The following SLC12A5 variants were observed in gnomAD, a reference collection of about 807,000 sequenced individuals.
The protein encoded by SLC12A5 is solute carrier family 12 member 5.
A neutral mutation model predicts 124.0 loss-of-function variants in SLC12A5; 18 were observed. The observed-to-expected ratio is 0.15, with a 90% CI of 0.10 to 0.22. The LOEUF is 0.22. Among genes scored for constraint, SLC12A5 ranks in the 10% least tolerant of loss-of-function variants. The pLI, the probability that SLC12A5 is intolerant of heterozygous loss-of-function variation, is 1.00. For synonymous variants in SLC12A5, 589 were observed against 568.0 expected, an observed-to-expected ratio of 1.04 and a Z score of -0.53; for missense variants, 867 against 1,478.7, an observed-to-expected ratio of 0.59 and a Z score of 6.78.
chr20:46,057,428 C>A lies in SLC12A5; in HGVS notation c.3260-86C>A. On this transcript the variant is annotated intron_variant, in intron 25 of 25. Transcript: ENST00000243964. This position sits in a 1 kb window ranked among gnomAD's most constrained non-coding sequence, Gnocchi z 7.1. Reference sequence around the variant, plus strand: ...TCAGCACCTCGGACAGGGACACGGGCGCGAGAGGTCCCCTGGCAGCCGAGC... The same window carrying A: ...TCAGCACCTCGGACAGGGACACGGGAGCGAGAGGTCCCCTGGCAGCCGAGC... The A allele has an allele frequency of 1.9e-6, 3 of 1,597,988 alleles. No homozygotes were observed. Among genetic ancestry groups the A allele is most frequent in the Non-Finnish European group, 2.6e-6 (3 of 1,165,516 alleles).
chr20:46,056,999 C>A lies in SLC12A5; in HGVS notation c.3125+88C>A. The A allele has an allele frequency of 6.3e-7, 1 of 1,598,476 alleles. No individual in the cohort carries two copies. Among genetic ancestry groups the A allele is most frequent in the Non-Finnish European group, 8.6e-7 (1 of 1,166,402 alleles). ...CTCTGTTGTGAACCCCTAATTGGTG[C>A]CACGACCTCTGGGATCTCTGAATAG... On this transcript the variant is annotated intron_variant, in intron 24 of 25. Coordinates refer to ENST00000243964, the MANE Select transcript of SLC12A5 (RefSeq NM_020708.5). The surrounding 1 kb of genome is among the most constrained non-coding windows in gnomAD (Gnocchi z 4.3).
At position 46,057,693 on chromosome 20, in the gene SLC12A5, A is replaced by C. The variant is rs2084709965; in HGVS notation, c.*88A>C. ...GCCCCCCGCCGCTGTCACCGTTTACATACAGACCCTGTGCCCGTGTCCTGG... is the reference window on the plus strand; with the variant it reads ...GCCCCCCGCCGCTGTCACCGTTTACCTACAGACCCTGTGCCCGTGTCCTGG... On this transcript the variant is annotated 3_prime_UTR_variant, in exon 26 of 26. Transcript: ENST00000243964. This position sits in a 1 kb window ranked among gnomAD's most constrained non-coding sequence, Gnocchi z 7.1. The C allele has an allele frequency of 4.0e-6, 4 of 1,008,736 alleles. No individual in the cohort carries two copies. Among genetic ancestry groups the C allele is most frequent in the Non-Finnish European group, 5.8e-6 (4 of 689,616 alleles). 62.5% of individuals were successfully genotyped at this position (1,008,736 alleles called of 1,614,324 possible).
At chr20:46,031,544 G>T (rs1387293225) in intron 1 of SLC12A5, among the ~76,000 whole-genome samples, 1 of 152,196 alleles carries the variant, frequency 6.6e-6, no homozygotes, top group Non-Finnish European at 1.5e-5. Context: ...GGGCAGGTGG[G>T]GATGACCCGA....
At chr20:46,021,690 C>T (rs1455270812), upstream of SLC12A5, 4 of 1,502,726 alleles carry the variant, frequency 2.7e-6, no homozygotes, top group African/African-American at 4.3e-5. Context: ...TCCGCTCTTT[C>T]TCCCTCCTAG....
chr20:46,039,063 G>A (rs1045770748), intron 6 of SLC12A5, among the ~76,000 whole-genome samples: 1 of 152,196 alleles, frequency 6.6e-6, no homozygotes, highest in African/African-American at 2.4e-5. Context: ...GTCACCCAAA[G>A]AAAATAACCA....
chr20:46,041,176 A>AAAG, intron 7 of SLC12A5, 153 bp from the exon 8 acceptor site: 1 of 655,190 alleles, frequency 1.5e-6, no homozygotes, highest in Non-Finnish European at 2.6e-6. Flanking sequence ...AAAAAAAAAA[A>AAAG]AGCCAATGGC....
At chr20:46,052,911 C>A in intron 18 of SLC12A5, 46 bp from the exon 19 acceptor site, 1 of 1,549,604 alleles carries the variant, frequency 6.5e-7, no homozygotes, top group East Asian at 2.3e-5. Context: ...TTGGGAGAAC[C>A]AGAGTCACTG....
At position 46,053,570 on chromosome 20, in the gene SLC12A5, G is replaced by T; in HGVS notation, c.2548-8G>T. Reference sequence around the variant, plus strand: ...TGGACCTTTCTGAATCCCCTTCATCGCCTGCAGGTCTGGCGGAAGTGCAAG... The same window carrying T: ...TGGACCTTTCTGAATCCCCTTCATCTCCTGCAGGTCTGGCGGAAGTGCAAG... On this transcript the variant is annotated splice_region_variant and splice_polypyrimidine_tract_variant and intron_variant, in intron 19 of 25. Transcript: ENST00000243964. The surrounding 1 kb of genome is among the most constrained non-coding windows in gnomAD (Gnocchi z 4.7). The T allele has an allele frequency of 1.2e-6, 2 of 1,613,320 alleles. No homozygotes were observed. Among genetic ancestry groups the T allele is most frequent in the Middle Eastern group, 1.7e-4 (1 of 6,054 alleles).
chr20:46,047,841 G>A, intron 15 of SLC12A5, 140 bp from the exon 16 acceptor site: 1 of 878,258 alleles, frequency 1.1e-6, no homozygotes, highest in South Asian at 1.8e-5. Context: ...GCTTGGTTGA[G>A]TCTGTTGGCA....
intron 1 of SLC12A5, 150 bp downstream of exon 1, chr20:46,029,546 C>A (rs2084427056): frequency 1.2e-6 from 1 of 857,710 alleles, no homozygotes; most frequent in Non-Finnish European, 1.8e-6. Context: ...GAGCTCAGCT[C>A]CATTGGAATG....
rs756040501 is a variant in SLC12A5 at position 46,049,638 on chromosome 20, C to T, written c.2029C>T (p.Leu677=). 1.9e-6 allele frequency: 3 copies of T among 1,604,712 alleles called. No individual in the cohort carries two copies. In the South Asian group the frequency reaches 3.4e-5, roughly 18 times the overall value. ...ACTCTTCAGGCCACAGCTGCTGGTG[C>T]TGGTGCGTGTGGACCAAGACCAGAA... ...TKNWRPQLLV[L]VRVDQDQNVV... Residue 677 remains leucine (L), a synonymous_variant, in exon 17 of 26, where the codon CTG becomes TTG. Coordinates refer to ENST00000243964, the MANE Select transcript of SLC12A5 (RefSeq NM_020708.5).
intron 8 of SLC12A5, 128 bp downstream of exon 8, chr20:46,041,668 A>C: frequency 1.1e-6 from 1 of 919,338 alleles, no homozygotes; most frequent in Non-Finnish European, 1.6e-6. Context: ...ACCTACTCTG[A>C]GTTACATTCT....
intron 1 of SLC12A5, 84 bp downstream of exon 1, chr20:46,029,480 C>T (rs2084426321): frequency 2.1e-6 from 3 of 1,422,976 alleles, no homozygotes; most frequent in Non-Finnish European, 2.9e-6. Flanking sequence ...CGGGGGCCAC[C>T]TCCTTCAGAG....
At position 46,057,302 on chromosome 20, in the gene SLC12A5, C is replaced by T; in HGVS notation, c.3258C>T (p.Asn1086=). ...GPPRNRNGDE[N]YMEFLEVLTE... is the part of the protein sequence containing the mutation. ...CCCGCAACCGCAATGGTGATGAAAACTGTATCCTGGAATTAAAATTGGGGG... is the reference window on the plus strand; with the variant it reads ...CCCGCAACCGCAATGGTGATGAAAATTGTATCCTGGAATTAAAATTGGGGG... The change falls in exon 25 of 26, where the codon AAC becomes AAT. Residue 1086 remains asparagine (N), a splice_region_variant and synonymous_variant. Coordinates refer to ENST00000243964, the MANE Select transcript of SLC12A5 (RefSeq NM_020708.5). The surrounding 1 kb of genome is among the most constrained non-coding windows in gnomAD (Gnocchi z 7.1). The T allele has an allele frequency of 1.2e-6, 2 of 1,614,150 alleles. No homozygotes were observed. Among genetic ancestry groups the T allele is most frequent in the East Asian group, 2.2e-5 (1 of 44,878 alleles).
At position 46,044,966 on chromosome 20, in the gene SLC12A5, G is replaced by C; in HGVS notation, c.1395G>C (p.Lys465Asn). 6.2e-7 allele frequency: 1 copy of C among 1,614,202 alleles called. No homozygotes were observed. The change falls in exon 12 of 26, where the codon AAG becomes AAC. Residue 465 changes from lysine to asparagine, a missense_variant and splice_region_variant. Lys to Asn is a moderately conservative substitution (Grantham distance 94). Coordinates refer to ENST00000243964, the MANE Select transcript of SLC12A5 (RefSeq NM_020708.5). ...ACIEGVVLRD[K>N]FGEAVNGNLV... ...GCATCTCCTGTCCACATCATTCCAG[G>C]TTTGGCGAAGCTGTGAATGGCAACC...
At chr20:46,034,411 T>C (rs1301654772) in intron 1 of SLC12A5, among the ~76,000 whole-genome samples, 1 of 152,218 alleles carries the variant, frequency 6.6e-6, no homozygotes, top group Non-Finnish European at 1.5e-5. Flanking sequence ...GTTGCTTTCC[T>C]GAGAACAAGG....
Position 46,053,794 on chromosome 20 carries a change from C to G in SLC12A5, c.2679+85C>G. 1 of 1,402,766 alleles carries G rather than the reference C, an allele frequency of 7.1e-7. No individual in the cohort carries two copies. The highest frequency in any genetic ancestry group is 9.5e-7 in the Non-Finnish European group (1 of 1,048,686). 86.9% of individuals were successfully genotyped at this position (1,402,766 alleles called of 1,614,324 possible). ...CACCAAGTAGGGCAACTCTAACACC[C>G]ATCAGCTTATGATGCTGGATCCTTT... On this transcript the variant is annotated intron_variant, in intron 20 of 25. Transcript: ENST00000243964. This position sits in a 1 kb window ranked among gnomAD's most constrained non-coding sequence, Gnocchi z 4.7.
intron 8 of SLC12A5, among the ~76,000 whole-genome samples, chr20:46,041,882 C>G (rs1189756065): frequency 6.6e-6 from 1 of 151,842 alleles, no homozygotes; most frequent in African/African-American, 2.4e-5. Context: ...ATAGCAAATA[C>G]ATTATGCCAT....
chr20:46,044,842 T>C, intron 11 of SLC12A5, 124 bp from the exon 12 acceptor site: 1 of 1,042,168 alleles, frequency 9.6e-7, no homozygotes, highest in East Asian at 2.4e-5. Context: ...CTGCCTCCCC[T>C]GTCACCCTTA....
Sources: gnomAD v4.1 joint callset for allele counts (sites outside exome capture counted in the v4.1 genomes callset) on GRCh38, gnomAD v4.1.1 for gene constraint, Gnocchi (gnomAD v3.1) non-coding constraint, MANE v1.5 for transcripts, NCBI Gene and HGNC (gene_info 2026-07-23, HGNC 2026-07-21) for gene names.